Variants in PARN observed in about 807,000 individuals in gnomAD.
PARN encodes poly(A)-specific ribonuclease.
PARN carries 71 observed loss-of-function variants against 102.8 expected under a neutral mutation model. That is an observed-to-expected ratio of 0.69 (90% confidence interval 0.57 to 0.84). The LOEUF is 0.84. Ranked by LOEUF, PARN falls within the 40% of genes least tolerant of loss-of-function variation. The pLI, the probability that PARN is intolerant of heterozygous loss-of-function variation, is 0.00. For missense variants in PARN, 782 were observed against 760.9 expected, an observed-to-expected ratio of 1.03 and a Z score of -0.33; for synonymous variants, 261 against 252.9, an observed-to-expected ratio of 1.03 and a Z score of -0.30.
chr16:14,611,250 C>T (rs554516681), intron 6 of PARN, among the ~76,000 whole-genome samples: 2 of 152,256 alleles, frequency 1.3e-5, no homozygotes, highest in East Asian at 3.9e-4. Flanking sequence ...GTTCCAGGAG[C>T]AGCAAGGAGC....
At chr16:14,628,029 A>C in intron 3 of PARN, 143 bp downstream of exon 3, 1 of 654,344 alleles carries the variant, frequency 1.5e-6, no homozygotes, top group South Asian at 1.7e-5. Flanking sequence ...AAAACAAAAA[A>C]AAAAATCACT....
At chr16:14,465,296 C>G (rs1962262808) in intron 22 of PARN, among the ~76,000 whole-genome samples, 1 of 152,128 alleles carries the variant, frequency 6.6e-6, no homozygotes. Flanking sequence ...ATTGCCCAGG[C>G]TGGTCTCGAA....
intron 6 of PARN, among the ~76,000 whole-genome samples, chr16:14,612,336 C>T (rs188939780): frequency 2.0e-5 from 3 of 152,056 alleles, no homozygotes; most frequent in South Asian, 4.2e-4. Flanking sequence ...ACTTGGGAGG[C>T]TAAGGCAGGA....
intron 21 of PARN, among the ~76,000 whole-genome samples, chr16:14,498,169 G>A (rs867025918): frequency 6.7e-6 from 1 of 150,188 alleles, no homozygotes; most frequent in Non-Finnish European, 1.5e-5. Flanking sequence ...TCATGACTCA[G>A]CTTATTCATT....
intron 22 of PARN, among the ~76,000 whole-genome samples, chr16:14,468,878 A>T (rs574253811): frequency 7.2e-6 from 1 of 139,620 alleles, no homozygotes; most frequent in Non-Finnish European, 1.5e-5. Context: ...CCCATTACTA[A>T]ATAGATAGAT....
chr16:14,566,364 T>C (rs1455439792), intron 18 of PARN, among the ~76,000 whole-genome samples: 4 of 152,086 alleles, frequency 2.6e-5, no homozygotes, highest in Admixed American at 1.3e-4. Flanking sequence ...GGACAGAGAC[T>C]GGAGTGATGT....
chr16:14,539,893 G>A (rs1010405757), intron 21 of PARN, among the ~76,000 whole-genome samples: 5 of 152,056 alleles, frequency 3.3e-5, no homozygotes, highest in Admixed American at 6.6e-5. Context: ...CTTTTTTCTT[G>A]TCATTTTTCC....
At chr16:14,469,996 C>T (rs990895798) in intron 22 of PARN, among the ~76,000 whole-genome samples, 8 of 152,066 alleles carry the variant, frequency 5.3e-5, no homozygotes, top group African/African-American at 1.9e-4. Flanking sequence ...TATACTATTA[C>T]ATGAAGATAA....
At chr16:14,623,969 G>A (rs1031772984) in intron 5 of PARN, among the ~76,000 whole-genome samples, 2 of 152,058 alleles carry the variant, frequency 1.3e-5, no homozygotes, top group Non-Finnish European at 2.9e-5. Flanking sequence ...AAAGGAAGAG[G>A]AAGAAAAGAA....
chr16:14,535,678 A>G (rs1321927934), intron 21 of PARN, among the ~76,000 whole-genome samples: 1 of 152,210 alleles, frequency 6.6e-6, no homozygotes, highest in Non-Finnish European at 1.5e-5. Context: ...GTATGATAAG[A>G]TATTTTGAGA....
intron 6 of PARN, among the ~76,000 whole-genome samples, chr16:14,613,279 A>G (rs2151801155): frequency 6.7e-6 from 1 of 149,980 alleles, no homozygotes; most frequent in East Asian, 2.0e-4. Flanking sequence ...ATTCCACTCC[A>G]GCCTGGGCAA....
rs149955883 is a variant in PARN at position 14,514,533 on chromosome 16, C to G, written c.1481-31706G>C. Among the ~76,000 whole-genome samples the G allele has an allele frequency of 5.9e-5, 9 of 152,278 alleles. No individual in the cohort carries two copies. The East Asian group carries it at 1.7e-3, about 29-fold the overall frequency. ...GAAGGCACAACATCATTAAGAAATTCTGAACAATCATTTGATGGAGGTGAG... is the reference window on the plus strand; with the variant it reads ...GAAGGCACAACATCATTAAGAAATTGTGAACAATCATTTGATGGAGGTGAG... On this transcript the variant is annotated intron_variant, in intron 21 of 23. Coordinates refer to ENST00000437198, the MANE Select transcript of PARN (RefSeq NM_002582.4).
At position 14,584,301 on chromosome 16, in the gene PARN, T is replaced by G. The variant is rs749685935; in HGVS notation, c.1081+46A>C. 3.1e-6 allele frequency: 4 copies of G among 1,304,396 alleles called. No individual in the cohort carries two copies. In the South Asian group the frequency reaches 4.8e-5, roughly 16 times the overall value. 80.8% of individuals were successfully genotyped at this position (1,304,396 alleles called of 1,614,324 possible). A position where few individuals can be genotyped will look rare whatever the true frequency, so the allele number is the denominator to read the frequency against. ...GCTTTTCTTCTACAATATACATCAA[T>G]AATTATTACAAAGAGTTTGGAGGGT... is the stretch of plus-strand genomic sequence containing the variant. On this transcript the variant is annotated intron_variant, in intron 16 of 23. Transcript: ENST00000437198.
At chr16:14,543,559 AC>A (rs1286643023) in intron 21 of PARN, among the ~76,000 whole-genome samples, 3 of 152,230 alleles carry the variant, frequency 2.0e-5, no homozygotes, top group African/African-American at 7.2e-5. Flanking sequence ...TTGTAAATGA[AC>A]CTATATGATT....
chr16:14,548,386 A>G (rs545190626), intron 21 of PARN, among the ~76,000 whole-genome samples: 2 of 152,342 alleles, frequency 1.3e-5, no homozygotes, highest in Admixed American at 6.5e-5. Flanking sequence ...AATCACAGCT[A>G]AAGAGCAGAG....
chr16:14,515,092 G>A (rs550544923), intron 21 of PARN, among the ~76,000 whole-genome samples: 1 of 152,238 alleles, frequency 6.6e-6, no homozygotes, highest in South Asian at 2.1e-4. Flanking sequence ...GTGTCACTGT[G>A]CTGGTTACTC....
At chr16:14,614,826 A>G (rs1971773052) in intron 6 of PARN, among the ~76,000 whole-genome samples, 1 of 126,938 alleles carries the variant, frequency 7.9e-6, no homozygotes, top group East Asian at 2.7e-4. Flanking sequence ...CCAGCATGGG[A>G]AAGAAGAGCG....
At chr16:14,531,828 AC>A (rs1368620388) in intron 21 of PARN, among the ~76,000 whole-genome samples, 2 of 151,862 alleles carry the variant, frequency 1.3e-5, no homozygotes, top group Non-Finnish European at 2.9e-5. Flanking sequence ...CTCAATGAAA[AC>A]TGGTTAGATG....
intron 6 of PARN, among the ~76,000 whole-genome samples, chr16:14,612,089 C>T (rs868833996): frequency 1.4e-4 from 21 of 152,030 alleles, no homozygotes; most frequent in Non-Finnish European, 2.4e-4. Context: ...AGACATAAGA[C>T]GTAACACTTA....
Sources: gnomAD v4.1 joint callset for allele counts (sites outside exome capture counted in the v4.1 genomes callset) on GRCh38, gnomAD v4.1.1 for gene constraint, MANE v1.5 for transcripts, NCBI Gene and HGNC (gene_info 2026-07-23, HGNC 2026-07-21) for gene names.